Variants in PACSIN3 observed in about 807,000 individuals in gnomAD.
PACSIN3 encodes protein kinase C and casein kinase substrate in neurons protein 3.
Under a neutral mutation model 56.1 loss-of-function variants are expected in PACSIN3, and 34 were observed. The observed-to-expected ratio is 0.61, with a 90% confidence interval of 0.46 to 0.81. The LOEUF (loss-of-function observed/expected upper bound fraction) is 0.81, where lower values mean the gene tolerates loss of function less well. PACSIN3 is among the 30% of genes least tolerant of loss of function. The probability of loss-of-function intolerance (pLI) is 0.00; values close to 1 mark genes in which losing one functional copy is unlikely to be tolerated. For missense variants in PACSIN3, 535 were observed against 592.4 expected, an observed-to-expected ratio of 0.90 and a Z score of 1.01; for synonymous variants, 218 against 229.8, an observed-to-expected ratio of 0.95 and a Z score of 0.46.
rs543895879 is a variant in PACSIN3, at chr11:47,182,524, C to T, written c.90G>A (p.Glu30=). ...GNYRRTVQRV[E]DGHRLCGDLV... The stretch of plus-strand genomic sequence containing the variant: ...GGTCCCCGCACAGCCGGTGCCCGTC[C>T]TCCACCCGCTGTACCGTGCGCCTGT... The change falls in exon 4 of 11, where the codon GAG becomes GAA. Residue 30 remains glutamate, a synonymous_variant. Transcript: ENST00000298838. The T allele has an allele frequency of 6.2e-7, 1 of 1,613,094 alleles. No individual in the cohort carries two copies. Among genetic ancestry groups the T allele is most frequent in the East Asian group, 2.2e-5 (1 of 44,870 alleles).
In PACSIN3 at chr11:47,179,651, T is replaced by TGG; in HGVS notation, c.604-66_604-65insCC. 4.0e-6 allele frequency: 6 copies of TGG among 1,507,156 alleles called. No individual in the cohort carries two copies. Among genetic ancestry groups the TGG allele is most frequent in the Non-Finnish European group, 5.4e-6 (6 of 1,103,334 alleles). The allele number at this position is 1,507,156 out of a possible 1,614,324, so 93.4% of individuals were successfully genotyped here. A position where few individuals can be genotyped will look rare whatever the true frequency, so the allele number is the denominator to read the frequency against. On this transcript the variant is annotated intron_variant, in intron 6 of 10. Transcript: ENST00000298838. This position sits in a 1 kb window ranked among gnomAD's most constrained non-coding sequence, Gnocchi z 4.4. ...CTTCCACCCAGGACTCCACCAGTGT[T>TGG]TACCAGACACTGCCATAGGCTGCTA...
rs758850415 is a variant in PACSIN3, at chr11:47,178,911, C to A, written c.1020G>T (p.Gln340His). Residue 340 changes from glutamine (Q) to histidine (H), a missense_variant, in exon 9 of 11, where the codon CAG becomes CAT. Coordinates refer to ENST00000298838, the MANE Select transcript of PACSIN3 (RefSeq NM_016223.5). The surrounding 1 kb of genome is among the most constrained non-coding windows in gnomAD (Gnocchi z 4.2). ...PTRDGTAPPP[Q>H]SPGSPGTGQD... The stretch of plus-strand genomic sequence containing the variant: ...GCTCTCACCCTGGGGACCCCGGGGA[C>A]TGGGGTGGGGGTGCGGTGCCATCTC... The A allele has an allele frequency of 6.2e-7, 1 of 1,613,942 alleles. No homozygotes were observed. The highest frequency in any genetic ancestry group is 1.7e-5 in the Admixed American group (1 of 60,016).
At position 47,186,032 on chromosome 11, in the gene PACSIN3, C is replaced by A. The variant is rs900714826; in HGVS notation, c.-104+317G>T. On this transcript the variant is annotated intron_variant, in intron 1 of 10. Coordinates refer to ENST00000298838, the MANE Select transcript of PACSIN3 (RefSeq NM_016223.5). The surrounding 1 kb of genome is among the most constrained non-coding windows in gnomAD (Gnocchi z 4.5). ...GCGAGGGATCGCCAGGGAGCGAGGA[C>A]CCTCTGGGGCCTCGGGGCGGGCGCG... Among the ~76,000 whole-genome samples, 1 of 152,066 alleles carries A rather than the reference C, an allele frequency of 6.6e-6. No individual in the cohort carries two copies. Among genetic ancestry groups the A allele is most frequent in the Non-Finnish European group, 1.5e-5 (1 of 67,958 alleles).
chr11:47,179,639 C>T lies in PACSIN3; in HGVS notation c.604-53G>A, dbSNP rs1270292760. The stretch of plus-strand genomic sequence containing the variant: ...GAACCAGACCTTCTTCCACCCAGGA[C>T]TCCACCAGTGTTTACCAGACACTGC... On this transcript the variant is annotated intron_variant, in intron 6 of 10. Transcript: ENST00000298838. The surrounding 1 kb of genome is among the most constrained non-coding windows in gnomAD (Gnocchi z 4.4). 1.9e-6 allele frequency: 3 copies of T among 1,569,144 alleles called. No individual in the cohort carries two copies. Among genetic ancestry groups the T allele is most frequent in the South Asian group, 2.2e-5 (2 of 89,702 alleles).
chr11:47,180,325 T>C lies in PACSIN3; in HGVS notation c.464A>G (p.Lys155Arg), dbSNP rs1952995037. The change falls in exon 6 of 11, where the codon AAA becomes AGA. Residue 155 changes from lysine (K) to arginine (R), a missense_variant. By Grantham distance (26) the Lys-to-Arg change is conservative. Transcript: ENST00000298838. ...ATCCTTCCGGGCTGCGTGGTAGCTT[T>C]TCTTGGAAGCCTCAACCTGGCATGC... ...KRLKEVEASK[K>R]SYHAARKDEK... The C allele has an allele frequency of 6.2e-7, 1 of 1,601,952 alleles. No homozygotes were observed. The highest frequency in any genetic ancestry group is 8.5e-7 in the Non-Finnish European group (1 of 1,179,954).
At chr11:47,184,814 C>T (rs1197050365) in intron 1 of PACSIN3, among the ~76,000 whole-genome samples, 1 of 152,198 alleles carries the variant, frequency 6.6e-6, no homozygotes, top group African/African-American at 2.4e-5. Flanking sequence ...GCCTCAGGAG[C>T]CTGGGGCCCC....
Position 47,179,015 on chromosome 11 carries a change from T to G in PACSIN3, c.916A>C (p.Thr306Pro), listed in dbSNP as rs1483304088. The change falls in exon 9 of 11, where the codon ACA becomes CCA. Residue 306 changes from threonine to proline, a missense_variant. Thr to Pro is a conservative substitution (Grantham distance 38). Coordinates refer to ENST00000298838, the MANE Select transcript of PACSIN3 (RefSeq NM_016223.5). The surrounding 1 kb of genome is among the most constrained non-coding windows in gnomAD (Gnocchi z 4.4). ...WPQFEEWSLD[T>P]QRTISRKEKG... ...TCTTTCCGGCTGATTGTCCTCTGTG[T>G]GTCCAAGGACCACTCCTGTGGGGAC... is the stretch of plus-strand genomic sequence containing the variant. 1 of 1,614,002 alleles carries G rather than the reference T, an allele frequency of 6.2e-7. No homozygotes were observed. The highest frequency in any genetic ancestry group is 8.5e-7 in the Non-Finnish European group (1 of 1,180,014).
intron 4 of PACSIN3, among the ~76,000 whole-genome samples, 169 bp from the exon 5 acceptor site, chr11:47,180,859 A>G (rs187018024): frequency 1.3e-5 from 2 of 152,338 alleles, no homozygotes; most frequent in Non-Finnish European, 1.5e-5. Flanking sequence ...GCCTTATCTC[A>G]CTGACTCCTT....
rs1009837204 is a variant in PACSIN3, at chr11:47,183,033, G to A, written c.-67C>T. 2.5e-5 allele frequency: 8 copies of A among 314,140 alleles called. No individual in the cohort carries two copies. Among genetic ancestry groups the A allele is most frequent in the African/African-American group, 1.6e-4 (7 of 44,400 alleles). The allele number at this position is 314,140 out of a possible 1,614,324, so 19.5% of individuals were successfully genotyped here. A position where few individuals can be genotyped will look rare whatever the true frequency, so the allele number is the denominator to read the frequency against. On this transcript the variant is annotated 5_prime_UTR_variant, in exon 2 of 11. Coordinates refer to ENST00000298838, the MANE Select transcript of PACSIN3 (RefSeq NM_016223.5). ...GGCCTAGAGATCACTTCAAGGACCC[G>A]GGTGTCCAACTCTCAATGCTGCCAC... is the stretch of plus-strand genomic sequence containing the variant.
Position 47,177,752 on chromosome 11 carries a change from C to A in PACSIN3, c.*179G>T. 3.2e-6 allele frequency: 2 copies of A among 630,832 alleles called. No homozygotes were observed. Among genetic ancestry groups the A allele is most frequent in the South Asian group, 1.8e-5 (1 of 54,336 alleles). The allele number at this position is 630,832 out of a possible 1,614,324, so 39.1% of individuals were successfully genotyped here. On this transcript the variant is annotated 3_prime_UTR_variant, in exon 11 of 11. Transcript: ENST00000298838. ...CCCTCAGCCTAGACTCGTCCCTTCC[C>A]TACCAGTCCCTTCCCTAGACAAAGG...
At position 47,178,246 on chromosome 11, in the gene PACSIN3, GGAACAGCT is replaced by G. The variant is rs950149339; in HGVS notation, c.1159+112_1159+119del. On this transcript the variant is annotated intron_variant, in intron 10 of 10. Coordinates refer to ENST00000298838, the MANE Select transcript of PACSIN3 (RefSeq NM_016223.5). This position sits in a 1 kb window ranked among gnomAD's most constrained non-coding sequence, Gnocchi z 4.2. ...CACCAGGCACCAGCTATCTGGACCTGGAACAGCTGAAGGGACAGAGGACTGGCCCTTAA... is the reference window on the plus strand; with the variant it reads ...CACCAGGCACCAGCTATCTGGACCTGGAAGGGACAGAGGACTGGCCCTTAA... 1.6e-5 allele frequency: 23 copies of G among 1,402,102 alleles called. No individual in the cohort carries two copies. The African/African-American group carries it at 3.1e-4, about 19-fold the overall frequency. The allele number at this position is 1,402,102 out of a possible 1,614,324, so 86.9% of individuals were successfully genotyped here.
At position 47,179,300 on chromosome 11, in the gene PACSIN3, C is replaced by T; in HGVS notation, c.780-21G>A. 6.2e-7 allele frequency: 1 copy of T among 1,614,056 alleles called. No homozygotes were observed. Among genetic ancestry groups the T allele is most frequent in the Non-Finnish European group, 8.5e-7 (1 of 1,180,036 alleles). On this transcript the variant is annotated intron_variant, in intron 7 of 10. Coordinates refer to ENST00000298838, the MANE Select transcript of PACSIN3 (RefSeq NM_016223.5). This position sits in a 1 kb window ranked among gnomAD's most constrained non-coding sequence, Gnocchi z 4.4. ...GGAACCTATGACCCAAGGCACACCC[C>T]TCAGTCTAGGAAGTCTAGACCCTGC...
At chr11:47,181,404 A>AG (rs1371898957) in intron 4 of PACSIN3, among the ~76,000 whole-genome samples, 1 of 152,250 alleles carries the variant, frequency 6.6e-6, no homozygotes, top group African/African-American at 2.4e-5. Flanking sequence ...GCTCCCAGTC[A>AG]GAGGGCCTGG....
Position 47,178,519 on chromosome 11 carries a change from A to G in PACSIN3, c.1038-32T>C, listed in dbSNP as rs1244403895. The G allele has an allele frequency of 1.6e-5, 25 of 1,608,090 alleles. No homozygotes were observed. In the East Asian group the frequency reaches 5.6e-4, roughly 36 times the overall value. On this transcript the variant is annotated intron_variant, in intron 9 of 10. Coordinates refer to ENST00000298838, the MANE Select transcript of PACSIN3 (RefSeq NM_016223.5). This position sits in a 1 kb window ranked among gnomAD's most constrained non-coding sequence, Gnocchi z 4.2. ...AGGGGAGGCAAAGGGAGCAGCTCAG[A>G]GTGCAAGGAACACGGGGCTGGAGAT...
Position 47,178,430 on chromosome 11 carries a change from C to T in PACSIN3, c.1095G>A (p.Gly365=). ...AGTCATAGAGTGCCCTCACCCGAAC[C>T]CCGGTGGCAGCCTTCCGGGGACTCT... ...DEESPRKAAT[G]VRVRALYDYA... is the part of the protein sequence containing the mutation. Residue 365 remains glycine (G), a synonymous_variant, in exon 10 of 11, where the codon GGG becomes GGA. Transcript: ENST00000298838. This position sits in a 1 kb window ranked among gnomAD's most constrained non-coding sequence, Gnocchi z 4.2. 2 of 1,614,048 alleles carry T rather than the reference C, an allele frequency of 1.2e-6. No homozygotes were observed. Among genetic ancestry groups the T allele is most frequent in the South Asian group, 2.2e-5 (2 of 91,084 alleles).
chr11:47,180,134 T>A, intron 6 of PACSIN3, 52 bp downstream of exon 6: 3 of 1,546,334 alleles, frequency 1.9e-6, no homozygotes, highest in South Asian at 1.1e-5. Context: ...CAAGATTCAT[T>A]CAGGAAGCCG....
At position 47,179,797 on chromosome 11, in the gene PACSIN3, T is replaced by C. The variant is rs746144462; in HGVS notation, c.604-211A>G. ...AGCATATAAAAGAGTCTGGTGAGGA[T>C]TGAAATGAGGTCAACCTACAGGAAA... On this transcript the variant is annotated intron_variant, in intron 6 of 10. Coordinates refer to ENST00000298838, the MANE Select transcript of PACSIN3 (RefSeq NM_016223.5). This position sits in a 1 kb window ranked among gnomAD's most constrained non-coding sequence, Gnocchi z 4.4. The C allele has an allele frequency of 3.3e-5, 19 of 581,224 alleles. No homozygotes were observed. Among genetic ancestry groups the C allele is most frequent in the East Asian group, 3.1e-4 (11 of 35,528 alleles). The allele number at this position is 581,224 out of a possible 1,614,324, so 36.0% of individuals were successfully genotyped here. A position where few individuals can be genotyped will look rare whatever the true frequency, so the allele number is the denominator to read the frequency against.
At position 47,178,053 on chromosome 11, in the gene PACSIN3, G is replaced by T; in HGVS notation, c.1160-7C>A. On this transcript the variant is annotated splice_region_variant and splice_polypyrimidine_tract_variant and intron_variant, in intron 10 of 10. Transcript: ENST00000298838. The surrounding 1 kb of genome is among the most constrained non-coding windows in gnomAD (Gnocchi z 4.2). ...ATCTTCAGCAGCTCCTCCCCTGGGG[G>T]AAAGGGGATTGGTCACTGCCAGTGG... The T allele has an allele frequency of 1.2e-6, 2 of 1,610,176 alleles. No homozygotes were observed. The highest frequency in any genetic ancestry group is 1.7e-6 in the Non-Finnish European group (2 of 1,176,988).
chr11:47,177,762 C>G lies in PACSIN3; in HGVS notation c.*169G>C. On this transcript the variant is annotated 3_prime_UTR_variant, in exon 11 of 11. Coordinates refer to ENST00000298838, the MANE Select transcript of PACSIN3 (RefSeq NM_016223.5). ...AGACTCGTCCCTTCCCTACCAGTCC[C>G]TTCCCTAGACAAAGGCCCCTCCCCT... 5 of 646,452 alleles carry G rather than the reference C, an allele frequency of 7.7e-6. No homozygotes were observed. The highest frequency in any genetic ancestry group is 1.4e-5 in the Non-Finnish European group (5 of 365,340). 40.0% of individuals were successfully genotyped at this position (646,452 alleles called of 1,614,324 possible).
Sources: allele counts gnomAD v4.1 joint callset (sites outside exome capture counted in the v4.1 genomes callset), GRCh38; gene constraint gnomAD v4.1.1; non-coding constraint Gnocchi (gnomAD v3.1); transcripts MANE v1.5; gene names NCBI Gene and HGNC (gene_info 2026-07-23, HGNC 2026-07-21).